The following SPRED1 variants were observed in gnomAD, a reference collection of about 807,000 sequenced individuals.
The protein encoded by SPRED1 is sprouty-related, EVH1 domain-containing protein 1.
SPRED1 carries 18 observed loss-of-function variants against 52.3 expected under a neutral mutation model. That is an observed-to-expected ratio of 0.34 (90% confidence interval 0.24 to 0.51). The LOEUF is 0.51. Among genes scored for constraint, SPRED1 ranks in the 20% least tolerant of loss-of-function variants. SPRED1 has a pLI of 0.97. For missense variants in SPRED1, 485 were observed against 551.0 expected, an observed-to-expected ratio of 0.88 and a Z score of 1.20; for synonymous variants, 155 against 179.7, an observed-to-expected ratio of 0.86 and a Z score of 1.10.
chr15:38,326,172 A>T (rs1350827691), intron 4 of SPRED1: 2 of 152,276 alleles, frequency 1.3e-5, no homozygotes, highest in Admixed American at 1.3e-4. Context: ...AAGAAAGGGA[A>T]TGTTTATTTA....
At chr15:38,319,769 A>G (rs1895564392) in intron 2 of SPRED1, among the ~76,000 whole-genome samples, 1 of 152,254 alleles carries the variant, frequency 6.6e-6, no homozygotes, top group African/African-American at 2.4e-5. Flanking sequence ...AACGGGCAGG[A>G]CTGAACCTTA....
At chr15:38,278,828 G>GTTTTTTT (rs765637726) in intron 1 of SPRED1, among the ~76,000 whole-genome samples, 18,528 of 117,926 alleles carry the variant, frequency 0.16, 2,887 homozygotes, top group East Asian at 0.5. Context: ...TAACTACACT[G>GTTTTTTT]TTTTTTTTTT....
At chr15:38,295,891 A>G (rs970012370) in intron 1 of SPRED1, among the ~76,000 whole-genome samples, 4 of 144,362 alleles carry the variant, frequency 2.8e-5, no homozygotes, top group Admixed American at 1.4e-4. Context: ...GTATGCATCT[A>G]TAGTACAATA....
intron 1 of SPRED1, among the ~76,000 whole-genome samples, chr15:38,286,506 A>G (rs1053184391): frequency 6.8e-6 from 1 of 147,352 alleles, no homozygotes; most frequent in Admixed American, 6.9e-5. Flanking sequence ...ATTTATATTT[A>G]TCTTTTTCAC....
Position 38,322,187 on chromosome 15 carries a change from C to T in SPRED1, c.208-54C>T, listed in dbSNP as rs553227041. 198 of 1,530,142 alleles carry T rather than the reference C, an allele frequency of 1.3e-4. 5 individuals carry two copies. The South Asian group carries it at 1.8e-3, about 14-fold the overall frequency. The allele number at this position is 1,530,142 out of a possible 1,614,324, so 94.8% of individuals were successfully genotyped here. ...CACCTCAGTTTGTATTTATGAGCTA[C>T]ATTAGATGCATTTGATATATGTATA... On this transcript the variant is annotated intron_variant, in intron 2 of 6. Coordinates refer to ENST00000299084, the MANE Select transcript of SPRED1 (RefSeq NM_152594.3).
At chr15:38,285,536 G>A (rs2140967927) in intron 1 of SPRED1, among the ~76,000 whole-genome samples, 1 of 152,294 alleles carries the variant, frequency 6.6e-6, no homozygotes, top group Middle Eastern at 3.4e-3. Context: ...CCTGAAGCAG[G>A]TGTATGCTTG....
In SPRED1 at chr15:38,324,868, C is replaced by T. The variant is rs967177024; in HGVS notation, c.423+59C>T. ...AAAGGATGTGGAAGAAATCACTAGC[C>T]TTATTCAATAAACTTATCAATTACT... On this transcript the variant is annotated intron_variant, in intron 4 of 6. Coordinates refer to ENST00000299084, the MANE Select transcript of SPRED1 (RefSeq NM_152594.3). The T allele has an allele frequency of 6.8e-6, 9 of 1,332,954 alleles. No homozygotes were observed. In the African/African-American group the frequency reaches 7.2e-5, roughly 11 times the overall value. 82.6% of individuals were successfully genotyped at this position (1,332,954 alleles called of 1,614,324 possible).
Position 38,351,031 on chromosome 15 carries a change from C to T in SPRED1, c.702C>T (p.Ile234=). The T allele has an allele frequency of 6.2e-7, 1 of 1,613,424 alleles. No individual in the cohort carries two copies. The highest frequency in any genetic ancestry group is 1.7e-4 in the Middle Eastern group (1 of 6,058). The change falls in exon 7 of 7, where the codon ATC becomes ATT. Residue 234 remains isoleucine (I), a synonymous_variant. Coordinates refer to ENST00000299084, the MANE Select transcript of SPRED1 (RefSeq NM_152594.3). The part of the protein sequence containing the change: ...KSQNRVPLKS[I]RHVSFQDEDE... ...TTTTTTAGGTCCCTTTGAAATCAAT[C>T]AGACATGTCAGCTTTCAAGATGAGG...
At chr15:38,321,576 T>C (rs1038825455) in intron 2 of SPRED1, among the ~76,000 whole-genome samples, 3 of 152,134 alleles carry the variant, frequency 2.0e-5, no homozygotes, top group Non-Finnish European at 4.4e-5. Flanking sequence ...TTAAGAAGTT[T>C]AGGAAAATGA....
At position 38,351,323 on chromosome 15, in the gene SPRED1, C is replaced by T. The variant is rs758102077; in HGVS notation, c.994C>T (p.Arg332Cys). The T allele has an allele frequency of 1.2e-6, 2 of 1,614,044 alleles. No homozygotes were observed. The highest frequency in any genetic ancestry group is 1.3e-5 in the African/African-American group (1 of 75,010). ...KSKRRKEDGERSRCVYCQERF... is the reference protein window; with the variant it reads ...KSKRRKEDGECSRCVYCQERF... ...AAAACGAAGAAAAGAGGATGGTGAA[C>T]GTTCTCGCTGCGTATACTGCCAGGA... Residue 332 changes from arginine to cysteine, a missense_variant, in exon 7 of 7, where the codon CGT (arginine) becomes TGT (cysteine). Coordinates refer to ENST00000299084, the MANE Select transcript of SPRED1 (RefSeq NM_152594.3).
intron 5 of SPRED1, among the ~76,000 whole-genome samples, chr15:38,347,209 A>G (rs761165001): frequency 1.3e-5 from 2 of 151,992 alleles, no homozygotes; most frequent in African/African-American, 2.4e-5. Flanking sequence ...TTTCTCTTCT[A>G]TGGTAGGGAC....
chr15:38,348,341 C>T (rs1352331666), intron 5 of SPRED1, among the ~76,000 whole-genome samples: 7 of 151,824 alleles, frequency 4.6e-5, no homozygotes, highest in Admixed American at 4.6e-4. Flanking sequence ...TACTTATAAA[C>T]ATAGAATGGC....
At chr15:38,342,033 T>G (rs1325572211) in intron 5 of SPRED1, among the ~76,000 whole-genome samples, 1 of 149,008 alleles carries the variant, frequency 6.7e-6, no homozygotes, top group Admixed American at 6.7e-5. Context: ...TTTGGGTTTT[T>G]TTTTTTTTTT....
intron 1 of SPRED1, among the ~76,000 whole-genome samples, chr15:38,254,128 A>G (rs1433200084): frequency 6.6e-6 from 1 of 152,200 alleles, no homozygotes; most frequent in Non-Finnish European, 1.5e-5. Flanking sequence ...ATTTAATTCC[A>G]AGCAGAATAT....
At chr15:38,266,895 G>T (rs1894318305) in intron 1 of SPRED1, among the ~76,000 whole-genome samples, 1 of 152,100 alleles carries the variant, frequency 6.6e-6, no homozygotes, top group South Asian at 2.1e-4. Flanking sequence ...AGTCCGAACT[G>T]TGTTTTGTGT....
At chr15:38,305,499 C>T (rs1017793842) in intron 2 of SPRED1, among the ~76,000 whole-genome samples, 1 of 151,496 alleles carries the variant, frequency 6.6e-6, no homozygotes, top group African/African-American at 2.4e-5. Context: ...AGGTAGTATA[C>T]ATTCTAGTGG....
At chr15:38,287,041 C>T (rs1450594460) in intron 1 of SPRED1, among the ~76,000 whole-genome samples, 1 of 152,142 alleles carries the variant, frequency 6.6e-6, no homozygotes, top group Non-Finnish European at 1.5e-5. Flanking sequence ...TTTCCCATCA[C>T]ACATGTCTTA....
At chr15:38,303,708 A>C (rs1363702903) in intron 2 of SPRED1, among the ~76,000 whole-genome samples, 1 of 152,072 alleles carries the variant, frequency 6.6e-6, no homozygotes, top group African/African-American at 2.4e-5. Flanking sequence ...GTATTATTAA[A>C]ATTTGCTAAA....
intron 1 of SPRED1, among the ~76,000 whole-genome samples, chr15:38,297,887 G>A (rs1432076490): frequency 1.3e-5 from 2 of 152,140 alleles, no homozygotes; most frequent in African/African-American, 4.8e-5. Flanking sequence ...CATACAGATA[G>A]TAAGTTTCTA....
Sources: allele counts gnomAD v4.1 joint callset (sites outside exome capture counted in the v4.1 genomes callset), GRCh38; gene constraint gnomAD v4.1.1; transcripts MANE v1.5; gene names NCBI Gene and HGNC (gene_info 2026-07-23, HGNC 2026-07-21).